The following UMODL1 variants were observed in gnomAD, a reference collection of about 807,000 sequenced individuals.
The protein encoded by UMODL1 is uromodulin like 1, also known as uromodulin-like 1.
Under a neutral mutation model 136.3 loss-of-function variants are expected in UMODL1, and 128 were observed. The ratio of observed to expected loss-of-function variants is 0.94; its 90% confidence interval spans 0.81 to 1.09. UMODL1 has a LOEUF of 1.09. Ranked by LOEUF, UMODL1 falls within the 50% of genes least tolerant of loss-of-function variation. The pLI, the probability that UMODL1 is intolerant of heterozygous loss-of-function variation, is 0.00. For missense variants in UMODL1, 1,766 were observed against 1,725.6 expected, an observed-to-expected ratio of 1.02 and a Z score of -0.41; for synonymous variants, 721 against 720.0, an observed-to-expected ratio of 1.00 and a Z score of -0.02.
At chr21:42,072,043 C>CCAAACAAACAAA (rs56367687) in intron 1 of UMODL1, among the ~76,000 whole-genome samples, 7 of 148,904 alleles carry the variant, frequency 4.7e-5, no homozygotes, top group African/African-American at 1.7e-4. Flanking sequence ...GCAAAAGCCC[C>CCAAACAAACAAA]CAAACAAACA....
Position 42,099,812 on chromosome 21 carries a change from C to A in UMODL1, c.1186+632C>A, listed in dbSNP as rs750748567. ...CCTGCCACCTCAGCCTCCCTAGTAG[C>A]TGGGACCACAGGCACACACCACCAC... is the stretch of plus-strand genomic sequence containing the variant. On this transcript the variant is annotated intron_variant, in intron 7 of 22. Coordinates refer to ENST00000408910, the MANE Select transcript of UMODL1 (RefSeq NM_001004416.3). The surrounding 1 kb of genome is among the most constrained non-coding windows in gnomAD (Gnocchi z 4.1). Among the ~76,000 whole-genome samples, 10 of 152,196 alleles carry A rather than the reference C, an allele frequency of 6.6e-5. No individual in the cohort carries two copies. Among genetic ancestry groups the A allele is most frequent in the Non-Finnish European group, 1.3e-4 (9 of 68,028 alleles).
In UMODL1 at chr21:42,102,230, C is replaced by G; in HGVS notation, c.1251C>G (p.Asn417Lys). The change falls in exon 8 of 23, where the codon AAC (asparagine) becomes AAG (lysine). Residue 417 changes from asparagine (N) to lysine (K), a missense_variant. Asn to Lys is a moderately conservative substitution (Grantham distance 94, BLOSUM62 0). Transcript: ENST00000408910. ...ACAACCTGACGGAGAAGTTACTCAA[C>G]CGCAGCAGTGTGGAGTACCAGGACT... Reference protein sequence around the residue: ...VNHNLTEKLLNRSSVEYQDFS... With the variant: ...VNHNLTEKLLKRSSVEYQDFS... 6.2e-7 allele frequency: 1 copy of G among 1,613,900 alleles called. No homozygotes were observed. The highest frequency in any genetic ancestry group is 1.3e-5 in the African/African-American group (1 of 75,048).
At chr21:42,118,107 C>T (rs556376338) in intron 14 of UMODL1, among the ~76,000 whole-genome samples, 54 of 152,328 alleles carry the variant, frequency 3.5e-4, no homozygotes, top group African/African-American at 1.3e-3. Flanking sequence ...CACTTCCTAG[C>T]AAGGGGCCTG....
chr21:42,139,611 C>T (rs544374914), intron 22 of UMODL1, among the ~76,000 whole-genome samples: 8 of 152,166 alleles, frequency 5.3e-5, no homozygotes, highest in South Asian at 2.1e-4. Context: ...AATTTTCCCT[C>T]GATGTTTTAA....
rs1290085348 is a variant in UMODL1, at chr21:42,123,500, C to T, written c.3147+350C>T. ...ATGAGAGTGTGTGTGTGTGAGTGTA[C>T]GTGTGTGCATGTGTGCATGTGTCTG... On this transcript the variant is annotated intron_variant, in intron 17 of 22. Coordinates refer to ENST00000408910, the MANE Select transcript of UMODL1 (RefSeq NM_001004416.3). This position sits in a 1 kb window ranked among gnomAD's most constrained non-coding sequence, Gnocchi z 4.4. 7.2e-6 allele frequency among the ~76,000 whole-genome samples: 1 copy of T among 138,138 alleles called. No homozygotes were observed. The highest frequency in any genetic ancestry group is 1.6e-5 in the Non-Finnish European group (1 of 60,668). The allele number at this position is 138,138 out of a possible 152,430, so 90.6% of individuals were successfully genotyped here.
intron 21 of UMODL1, 117 bp downstream of exon 21, chr21:42,129,914 G>T: frequency 1.3e-6 from 1 of 747,726 alleles, no homozygotes; most frequent in African/African-American, 1.8e-5. Context: ...AGACTTCTAA[G>T]AGGCTTATCA....
intron 1 of UMODL1, among the ~76,000 whole-genome samples, chr21:42,065,551 T>C (rs868081192): frequency 3.9e-4 from 59 of 151,662 alleles, no homozygotes; most frequent in African/African-American, 1.3e-3. Context: ...TCTTTTTTTT[T>C]TTTTGAGGCG....
At chr21:42,118,553 C>A (rs894821218) in intron 14 of UMODL1, among the ~76,000 whole-genome samples, 2 of 152,138 alleles carry the variant, frequency 1.3e-5, no homozygotes, top group African/African-American at 4.8e-5. Context: ...GCAGGGCGTT[C>A]GGGGGCAGGA....
chr21:42,078,081 C>A (rs1216516810), intron 2 of UMODL1, among the ~76,000 whole-genome samples: 1 of 152,328 alleles, frequency 6.6e-6, no homozygotes, highest in South Asian at 2.1e-4. Context: ...CAGGCATGTT[C>A]CTCTTTCAGG....
At position 42,141,650 on chromosome 21, in the gene UMODL1, T is replaced by G. The variant is rs558879006; in HGVS notation, c.*22-446T>G. Among the ~76,000 whole-genome samples the G allele has an allele frequency of 5.9e-5, 9 of 152,290 alleles. No individual in the cohort carries two copies. In the East Asian group the frequency reaches 1.7e-3, roughly 29 times the overall value. On this transcript the variant is annotated intron_variant, in intron 22 of 22. Coordinates refer to ENST00000408910, the MANE Select transcript of UMODL1 (RefSeq NM_001004416.3). ...GGCTCCTGTCTTTCGAAGTGAGAACTGTCTCACCAGTTCTAAAGTTCCTGC... is the reference window on the plus strand; with the variant it reads ...GGCTCCTGTCTTTCGAAGTGAGAACGGTCTCACCAGTTCTAAAGTTCCTGC...
chr21:42,130,851 C>A (rs2067125382), intron 21 of UMODL1, among the ~76,000 whole-genome samples: 1 of 151,446 alleles, frequency 6.6e-6, no homozygotes, highest in Non-Finnish European at 1.5e-5. Context: ...TCTCTGTCGC[C>A]CAGGCTGGAG....
intron 16 of UMODL1, among the ~76,000 whole-genome samples, chr21:42,121,802 A>C (rs1203761556): frequency 6.6e-6 from 1 of 152,196 alleles, no homozygotes; most frequent in Non-Finnish European, 1.5e-5. Context: ...GAGGAGGCTA[A>C]GTTGCTTCAG....
intron 1 of UMODL1, among the ~76,000 whole-genome samples, chr21:42,075,223 A>G (rs1283429255): frequency 7.3e-6 from 1 of 137,860 alleles, no homozygotes; most frequent in Non-Finnish European, 1.6e-5. Context: ...AATTTTTAAA[A>G]AATATTTTTG....
Position 42,138,813 on chromosome 21 carries a change from G to C in UMODL1, c.*21+1172G>C, listed in dbSNP as rs144756834. Among the ~76,000 whole-genome samples the C allele has an allele frequency of 4.5e-3, 691 of 152,214 alleles. 5 individuals are homozygous for C. The highest frequency in any genetic ancestry group is 0.015 in the African/African-American group (632 of 41,568). ...TGGTCTCCAACTCCTGACCTCAGGT[G>C]ATCCACCCGTCTCGGCCTCTCAAAG... On this transcript the variant is annotated intron_variant, in intron 22 of 22. Transcript: ENST00000408910.
At chr21:42,120,335 A>G (rs1336876959) in intron 15 of UMODL1, among the ~76,000 whole-genome samples, 2 of 152,244 alleles carry the variant, frequency 1.3e-5, no homozygotes, top group East Asian at 3.8e-4. Context: ...TATCAGCTCT[A>G]CGACTTTGTC....
chr21:42,076,890 A>G (rs1270324608), intron 2 of UMODL1, among the ~76,000 whole-genome samples: 1 of 152,098 alleles, frequency 6.6e-6, no homozygotes, highest in African/African-American at 2.4e-5. Context: ...GCTTGGGGCC[A>G]GTTACCAGGG....
At chr21:42,078,283 A>AT in intron 2 of UMODL1, among the ~76,000 whole-genome samples, 1 of 43,170 alleles carries the variant, frequency 2.3e-5, no homozygotes, top group Non-Finnish European at 4.7e-5. Context: ...CTCCATCACC[A>AT]ACAGAAACCA....
intron 21 of UMODL1, among the ~76,000 whole-genome samples, chr21:42,132,278 T>G (rs1055543061): frequency 1.3e-5 from 2 of 151,696 alleles, no homozygotes; most frequent in Admixed American, 1.3e-4. Flanking sequence ...CATTCATCTA[T>G]TCATCTATCA....
At chr21:42,139,165 T>G (rs1225469017) in intron 22 of UMODL1, among the ~76,000 whole-genome samples, 2 of 151,918 alleles carry the variant, frequency 1.3e-5, no homozygotes, top group Non-Finnish European at 2.9e-5. Flanking sequence ...CAAAAATAAA[T>G]AAATACTAAT....
Sources: gnomAD v4.1 joint callset for allele counts (sites outside exome capture counted in the v4.1 genomes callset) on GRCh38, gnomAD v4.1.1 for gene constraint, Gnocchi (gnomAD v3.1) non-coding constraint, MANE v1.5 for transcripts, NCBI Gene and HGNC (gene_info 2026-07-23, HGNC 2026-07-21) for gene names.